Variants in LIMK1 observed in about 807,000 individuals in gnomAD.
The protein encoded by LIMK1 is LIM domain kinase 1, also known as LIM motif-containing protein kinase.
In LIMK1, 21 loss-of-function variants were observed where a neutral mutation model predicts 77.6. That is an observed-to-expected ratio of 0.27 (90% CI 0.19 to 0.39). LIMK1 has a LOEUF of 0.39. LIMK1 is among the 10% of genes least tolerant of loss of function. LIMK1 has a pLI of 1.00. For synonymous variants in LIMK1, 358 were observed against 370.0 expected (o/e 0.97, Z 0.37); for missense variants, 696 against 901.6 (o/e 0.77, Z 2.92).
chr7:74,115,892 C>G lies in LIMK1; in HGVS notation c.1501C>G (p.Pro501Ala). 1.2e-6 allele frequency: 2 copies of G among 1,614,190 alleles called. No individual in the cohort carries two copies. The highest frequency in any genetic ancestry group is 8.5e-7 in the Non-Finnish European group (1 of 1,180,016). ...TGAGGGCCTGCGGAGCCTCAAGAAG[C>G]CAGACCGCAAGAAGCGCTACACCGT... ...QPEGLRSLKKPDRKKRYTVVG... is the reference protein window; with the variant it reads ...QPEGLRSLKKADRKKRYTVVG... The change falls in exon 13 of 16, where the codon CCA (proline) becomes GCA (alanine). Residue 501 changes from proline to alanine, a missense_variant. Around this residue, in one of 3 missense-constraint regions of LIMK1, gnomAD observed 438 missense variants for 602.3 expected, o/e 0.73. Coordinates refer to ENST00000336180, the MANE Select transcript of LIMK1 (RefSeq NM_002314.4).
chr7:74,099,350 G>A, intron 5 of LIMK1, 112 bp downstream of exon 5: 2 of 1,052,682 alleles, frequency 1.9e-6, no homozygotes, highest in Admixed American at 1.9e-5. Context: ...TTTGGGTACA[G>A]ATGGGGCCCA....
chr7:74,121,378 C>T lies in LIMK1; in HGVS notation c.*77C>T, dbSNP rs1446907885. ...CCAGATTCCTCCGCGGGAGGTGGCC[C>T]TCAGCTGGGACAGTGGGGACCCAGG... On this transcript the variant is annotated 3_prime_UTR_variant, in exon 16 of 16. Transcript: ENST00000336180. 1 of 1,384,792 alleles carries T rather than the reference C, an allele frequency of 7.2e-7. No homozygotes were observed. Among genetic ancestry groups the T allele is most frequent in the African/African-American group, 1.4e-5 (1 of 69,826 alleles). The allele number at this position is 1,384,792 out of a possible 1,614,324, so 85.8% of individuals were successfully genotyped here. A position where few individuals can be genotyped will look rare whatever the true frequency, so the allele number is the denominator to read the frequency against.
intron 2 of LIMK1, among the ~76,000 whole-genome samples, chr7:74,092,424 G>T (rs1216224918): frequency 6.6e-6 from 1 of 152,212 alleles, no homozygotes; most frequent in Admixed American, 6.5e-5. Flanking sequence ...GGGACCAGAT[G>T]CTGCCCCTCT....
rs1046748078 is a variant in LIMK1 at position 74,096,766 on chromosome 7, C to T, written c.291+6C>T. ...TCACCAAGGGACTGGTTATGGTGAG[C>T]GCCCCCTGCCTTGCACACTCACCTG... On this transcript the variant is annotated splice_donor_region_variant and intron_variant, in intron 3 of 15. Transcript: ENST00000336180. 1.2e-5 allele frequency: 19 copies of T among 1,588,038 alleles called. No individual in the cohort carries two copies. The highest frequency in any genetic ancestry group is 1.5e-5 in the Non-Finnish European group (18 of 1,164,190).
intron 14 of LIMK1, 37 bp from the exon 15 acceptor site, chr7:74,120,855 G>A (rs782450095): frequency 6.2e-7 from 1 of 1,612,710 alleles, no homozygotes; most frequent in Non-Finnish European, 8.5e-7. Context: ...CAGGCTGAGG[G>A]CCCCCTGGAG....
chr7:74,091,928 C>T (rs1384522540), intron 2 of LIMK1, among the ~76,000 whole-genome samples: 3 of 147,492 alleles, frequency 2.0e-5, no homozygotes, highest in Non-Finnish European at 3.0e-5. Flanking sequence ...TTGTGGGCCC[C>T]GTGGAAGGTG....
chr7:74,120,338 C>T (rs555621643), intron 13 of LIMK1, among the ~76,000 whole-genome samples: 1 of 152,342 alleles, frequency 6.6e-6, no homozygotes, highest in South Asian at 2.1e-4. Context: ...CGCAGCTGAT[C>T]GGTGCCTCGA....
intron 5 of LIMK1, 112 bp from the exon 6 acceptor site, chr7:74,105,763 C>T (rs553111686): frequency 1.5e-5 from 10 of 679,370 alleles, no homozygotes; most frequent in South Asian, 5.4e-5. Flanking sequence ...CCCAGTCACA[C>T]GAAGTAGAAT....
intron 14 of LIMK1, 111 bp from the exon 15 acceptor site, chr7:74,120,781 A>C: frequency 6.5e-7 from 1 of 1,545,518 alleles, no homozygotes; most frequent in African/African-American, 1.4e-5. Flanking sequence ...GGGGTACTGC[A>C]GTCAGGCTGC....
chr7:74,099,189 G>C lies in LIMK1; in HGVS notation c.559G>C (p.Gly187Arg), dbSNP rs138470279. ...GLSVSIDPPH[G>R]PPGCGTEHSH... ...TTCAGTCTCCATTGACCCCCCGCAC[G>C]GCCCACCGGGCTGTGGCACCGAGCA... Residue 187 changes from glycine to arginine, a missense_variant, in exon 5 of 16, where the codon GGC becomes CGC. Coordinates refer to ENST00000336180, the MANE Select transcript of LIMK1 (RefSeq NM_002314.4). 6.2e-7 allele frequency: 1 copy of C among 1,611,050 alleles called. No individual in the cohort carries two copies. The highest frequency in any genetic ancestry group is 1.7e-5 in the Admixed American group (1 of 60,012).
intron 12 of LIMK1, among the ~76,000 whole-genome samples, chr7:74,113,056 C>T (rs782820664): frequency 6.6e-6 from 1 of 152,110 alleles, no homozygotes; most frequent in Non-Finnish European, 1.5e-5. Context: ...CACAGTGGCT[C>T]ACACCTAAAA....
Position 74,112,131 on chromosome 7 carries a change from G to C in LIMK1, c.1410+133G>C, listed in dbSNP as rs77150450. On this transcript the variant is annotated intron_variant, in intron 12 of 15. Transcript: ENST00000336180. ...TGACTTCAATTTGAGGTGGGGGTGG[G>C]GGGCAGCAGCCCGTGGGGAAGAGCG... 52 of 725,532 alleles carry C rather than the reference G, an allele frequency of 7.2e-5. 2 individuals are homozygous for C. The South Asian group carries it at 7.9e-4, about 11-fold the overall frequency. The allele number at this position is 725,532 out of a possible 1,614,324, so 44.9% of individuals were successfully genotyped here.
chr7:74,084,101 TG>T (rs1474275242), intron 1 of LIMK1, 56 bp downstream of exon 1: 331 of 1,038,236 alleles, frequency 3.2e-4, no homozygotes, highest in Admixed American at 1.1e-4. Flanking sequence ...CGGGGCAGCG[TG>T]GGGCACGGGA....
intron 2 of LIMK1, among the ~76,000 whole-genome samples, chr7:74,092,213 A>G (rs562797964): frequency 6.6e-6 from 1 of 151,910 alleles, no homozygotes; most frequent in Non-Finnish European, 1.5e-5. Context: ...CGATCTGTCT[A>G]CCTCAGCCTC....
In LIMK1 at chr7:74,120,978, C is replaced by T. The variant is rs1554700457; in HGVS notation, c.1710C>T (p.Tyr570=). ...ACGTGCGAGGATTCCTGGACCGCTACTGCCCCCCAAACTGCCCCCCGAGCT... is the reference window on the plus strand; with the variant it reads ...ACGTGCGAGGATTCCTGGACCGCTATTGCCCCCCAAACTGCCCCCCGAGCT... ...GLNVRGFLDR[Y]CPPNCPPSFF... The change falls in exon 15 of 16, where the codon TAC becomes TAT. Residue 570 remains tyrosine (Y), a synonymous_variant. Transcript: ENST00000336180. 2 of 1,613,552 alleles carry T rather than the reference C, an allele frequency of 1.2e-6. No homozygotes were observed. The highest frequency in any genetic ancestry group is 1.7e-6 in the Non-Finnish European group (2 of 1,179,754).
rs71094754 is a variant in LIMK1 at position 74,102,484 on chromosome 7, CTTT to C, written c.608+3262_608+3264del. Among the ~76,000 whole-genome samples the C allele has an allele frequency of 3.1e-4, 17 of 54,042 alleles. 2 individuals are homozygous for C. The highest frequency in any genetic ancestry group is 2.8e-3 in the South Asian group (3 of 1,062). 35.5% of individuals were successfully genotyped at this position (54,042 alleles called of 152,430 possible). A position where few individuals can be genotyped will look rare whatever the true frequency, so the allele number is the denominator to read the frequency against. The stretch of plus-strand genomic sequence containing the variant: ...GATATTCTCAAAAGAAGGACCTTCT[CTTT>C]TTTTTTTTTTTTTTTGGAGACAGGG... On this transcript the variant is annotated intron_variant, in intron 5 of 15. Coordinates refer to ENST00000336180, the MANE Select transcript of LIMK1 (RefSeq NM_002314.4).
intron 14 of LIMK1, 36 bp from the exon 15 acceptor site, chr7:74,120,856 C>A (rs1799920435): frequency 6.2e-7 from 1 of 1,612,664 alleles, no homozygotes; most frequent in African/African-American, 1.3e-5. Context: ...AGGCTGAGGG[C>A]CCCCTGGAGT....
chr7:74,116,911 T>A (rs1048107117), intron 13 of LIMK1, among the ~76,000 whole-genome samples: 2 of 151,892 alleles, frequency 1.3e-5, no homozygotes, highest in Non-Finnish European at 2.9e-5. Context: ...AGACAGAGTC[T>A]CGCTGTGTCT....
At chr7:74,101,822 A>G (rs1799464469) in intron 5 of LIMK1, among the ~76,000 whole-genome samples, 1 of 151,806 alleles carries the variant, frequency 6.6e-6, no homozygotes, top group Admixed American at 6.6e-5. Context: ...ATATATATAT[A>G]TAGACACACA....
Sources: allele counts gnomAD v4.1 joint callset (sites outside exome capture counted in the v4.1 genomes callset), GRCh38; gene constraint gnomAD v4.1.1; regional missense constraint gnomAD v4.1.1; transcripts MANE v1.5; gene names NCBI Gene and HGNC (gene_info 2026-07-23, HGNC 2026-07-21).